Variants in HMG20A observed in about 807,000 individuals in gnomAD.
The protein encoded by HMG20A is high mobility group 20A, also known as high mobility group protein 20A.
In HMG20A, 17 loss-of-function variants were observed where a neutral mutation model predicts 43.9. The observed-to-expected ratio is 0.39, with a 90% confidence interval of 0.27 to 0.58. HMG20A has a LOEUF of 0.58. Ranked by LOEUF, HMG20A falls within the 20% of genes least tolerant of loss-of-function variation. The pLI, the probability that HMG20A is intolerant of heterozygous loss-of-function variation, is 0.59. For synonymous variants in HMG20A, 132 were observed against 147.5 expected (o/e 0.89, Z 0.76); for missense variants, 341 against 438.2 (o/e 0.78, Z 1.98).
the HMG20A span, among the ~76,000 whole-genome samples, chr15:77,491,499 T>C: frequency 6.6e-6 from 1 of 152,242 alleles, no homozygotes; most frequent in African/African-American, 2.4e-5. Flanking sequence ...TTTAGATACA[T>C]TCATTTTTTC....
Position 77,479,253 on chromosome 15 carries a change from C to T in HMG20A, c.982C>T (p.Pro328Ser). 1.2e-6 allele frequency: 2 copies of T among 1,614,008 alleles called. No individual in the cohort carries two copies. The highest frequency in any genetic ancestry group is 2.2e-5 in the South Asian group (2 of 91,068). The change falls in exon 9 of 10, where the codon CCC (proline) becomes TCC (serine). Residue 328 changes from proline (P) to serine (S), a missense_variant. Transcript: ENST00000336216. ...ACTGCACAGTATTATTTTAGCTAAT[C>T]CCCAAGACAATGAAAACTTCATAGC... is the stretch of plus-strand genomic sequence containing the variant. Reference protein sequence around the residue: ...NRLHSIILANPQDNENFIATV... With the variant: ...NRLHSIILANSQDNENFIATV...
rs1212810956 is a variant in HMG20A at position 77,484,617 on chromosome 15, T to C, written c.*1654T>C. On this transcript the variant is annotated 3_prime_UTR_variant, in exon 10 of 10. Coordinates refer to ENST00000336216, the MANE Select transcript of HMG20A (RefSeq NM_001304504.2). Reference sequence around the variant, plus strand: ...CAAAATCTGTTTTTAAAATGTCTTATATGAACATATATCAAATATCCATGC... The same window carrying C: ...CAAAATCTGTTTTTAAAATGTCTTACATGAACATATATCAAATATCCATGC... 6.6e-6 allele frequency: 1 copy of C among 152,256 alleles called. No individual in the cohort carries two copies. Among genetic ancestry groups the C allele is most frequent in the Non-Finnish European group, 1.5e-5 (1 of 68,050 alleles). The allele number at this position is 152,256 out of a possible 1,614,324, so 9.4% of individuals were successfully genotyped here. A position where few individuals can be genotyped will look rare whatever the true frequency, so the allele number is the denominator to read the frequency against.
intron 6 of HMG20A, among the ~76,000 whole-genome samples, chr15:77,477,308 CTTTGT>C (rs1361045879): frequency 6.6e-6 from 1 of 152,162 alleles, no homozygotes; most frequent in African/African-American, 2.4e-5. Flanking sequence ...ATTTACGTAA[CTTTGT>C]TTTAAGGTTT....
chr15:77,447,552 C>G (rs2073688046), intron 1 of HMG20A, among the ~76,000 whole-genome samples: 1 of 151,998 alleles, frequency 6.6e-6, no homozygotes, highest in South Asian at 2.1e-4. Flanking sequence ...TGATCTAGTA[C>G]TTCTGTGGTT....
the HMG20A span, among the ~76,000 whole-genome samples, chr15:77,493,361 A>G: frequency 2.6e-5 from 4 of 152,112 alleles, no homozygotes; most frequent in East Asian, 3.9e-4. Flanking sequence ...ACCAGCTTTC[A>G]TTGGGGATTT....
downstream of HMG20A, among the ~76,000 whole-genome samples, chr15:77,488,519 A>T (rs187396266): frequency 1.6e-3 from 243 of 152,300 alleles, 1 homozygote; most frequent in South Asian, 3.1e-3. Flanking sequence ...AGTGCAAAAG[A>T]GTTTGCAATA....
intron 2 of HMG20A, among the ~76,000 whole-genome samples, chr15:77,460,543 G>A (rs530953578): frequency 5.9e-5 from 9 of 152,204 alleles, no homozygotes; most frequent in Non-Finnish European, 1.2e-4. Context: ...ATTAGGGGAA[G>A]TTTAGGCGAG....
chr15:77,507,118 C>G, the HMG20A span, among the ~76,000 whole-genome samples: 1 of 152,234 alleles, frequency 6.6e-6, no homozygotes. Flanking sequence ...TGTCTTCAAG[C>G]TGGGATGTCA....
the HMG20A span, among the ~76,000 whole-genome samples, chr15:77,506,764 G>A: frequency 6.6e-6 from 1 of 152,242 alleles, no homozygotes; most frequent in Non-Finnish European, 1.5e-5. Context: ...AGACCCTGGA[G>A]GGAGCCATCT....
At chr15:77,436,726 T>A (rs1037994521) in intron 1 of HMG20A, among the ~76,000 whole-genome samples, 2 of 152,314 alleles carry the variant, frequency 1.3e-5, no homozygotes, top group African/African-American at 4.8e-5. Context: ...CCCAAAGTGC[T>A]GGGATTCAGG....
chr15:77,450,281 C>G (rs1283118480), intron 1 of HMG20A, among the ~76,000 whole-genome samples: 3 of 152,078 alleles, frequency 2.0e-5, no homozygotes, highest in African/African-American at 7.2e-5. Context: ...CAGGCGCCCA[C>G]CACCACACCC....
intron 2 of HMG20A, 21 bp from the exon 3 acceptor site, chr15:77,464,219 A>G: frequency 6.2e-7 from 1 of 1,610,444 alleles, no homozygotes; most frequent in Non-Finnish European, 8.5e-7. Flanking sequence ...TGTGTTGTTG[A>G]TACTTCTGCC....
rs570037644 is a variant in HMG20A, at chr15:77,466,178, C to T, written c.238-917C>T. On this transcript the variant is annotated intron_variant, in intron 3 of 9. Transcript: ENST00000336216. ...GGTGGATCACCTGAGGTCAGGAGTT[C>T]GAGACCAGCCTGATCAACATGGCAA... 1.2e-4 allele frequency among the ~76,000 whole-genome samples: 18 copies of T among 152,200 alleles called. No individual in the cohort carries two copies. In the South Asian group the frequency reaches 1.5e-3, roughly 12 times the overall value.
chr15:77,508,304 C>CTGTCAGAG, the HMG20A span, among the ~76,000 whole-genome samples: 1 of 152,284 alleles, frequency 6.6e-6, no homozygotes, highest in Non-Finnish European at 1.5e-5. Context: ...TCGGGTTCTG[C>CTGTCAGAG]TGTCAGAGCA....
At chr15:77,479,453 G>T in intron 9 of HMG20A, 132 bp downstream of exon 9, 5 of 774,760 alleles carry the variant, frequency 6.5e-6, no homozygotes, top group Non-Finnish European at 1.0e-5. Context: ...TAAGATTCCT[G>T]TTGCATGGTT....
chr15:77,495,109 T>C, the HMG20A span, among the ~76,000 whole-genome samples: 1 of 152,228 alleles, frequency 6.6e-6, no homozygotes, highest in Admixed American at 6.5e-5. Context: ...GTCTCACATT[T>C]GTAGATGGTC....
chr15:77,439,304 T>G (rs1174362961), intron 1 of HMG20A, among the ~76,000 whole-genome samples: 4 of 152,152 alleles, frequency 2.6e-5, no homozygotes, highest in Non-Finnish European at 5.9e-5. Context: ...CTGTGGTACA[T>G]ACAGTAAAGT....
chr15:77,494,797 T>C, the HMG20A span, among the ~76,000 whole-genome samples: 1 of 152,184 alleles, frequency 6.6e-6, no homozygotes, highest in African/African-American at 2.4e-5. Context: ...TGGAAAATTA[T>C]AAATTGTGAT....
At chr15:77,496,292 C>T in the HMG20A span, among the ~76,000 whole-genome samples, 1 of 152,190 alleles carries the variant, frequency 6.6e-6, no homozygotes, top group African/African-American at 2.4e-5. Context: ...CCATATTAGA[C>T]TGATGTGTTG....
Sources: gnomAD v4.1 joint callset for allele counts (sites outside exome capture counted in the v4.1 genomes callset) on GRCh38, gnomAD v4.1.1 for gene constraint, MANE v1.5 for transcripts, NCBI Gene and HGNC (gene_info 2026-07-23, HGNC 2026-07-21) for gene names.